SH3GL1: variants seen among roughly 807,000 people sequenced by gnomAD.
SH3GL1 encodes the protein endophilin-A2.
Under a neutral mutation model 48.8 loss-of-function variants are expected in SH3GL1, and 21 were observed. That is an observed-to-expected ratio of 0.43 (90% CI 0.30 to 0.62). The LOEUF (loss-of-function observed/expected upper bound fraction) is 0.62. Ranked by LOEUF, SH3GL1 falls within the 20% of genes least tolerant of loss-of-function variation. The pLI is 0.11. For synonymous variants in SH3GL1, 282 were observed against 217.5 expected, an observed-to-expected ratio of 1.30 and a Z score of -2.61; for missense variants, 454 against 503.0, an observed-to-expected ratio of 0.90 and a Z score of 0.93.
At chr19:4,393,946 G>C (rs549299475) in intron 1 of SH3GL1, among the ~76,000 whole-genome samples, 1 of 151,190 alleles carries the variant, frequency 6.6e-6, no homozygotes, top group South Asian at 2.1e-4. Context: ...AGGATCCCCC[G>C]GCAGACAGTC....
rs774348960 is a variant in SH3GL1, at chr19:4,367,631, G to T, written c.46-637C>A. On this transcript the variant is annotated intron_variant, in intron 1 of 9. Coordinates refer to ENST00000269886, the MANE Select transcript of SH3GL1 (RefSeq NM_003025.4). The surrounding 1 kb of genome is among the most constrained non-coding windows in gnomAD (Gnocchi z 4.2). The stretch of plus-strand genomic sequence containing the variant: ...AGGCCTGGCACACCTTGGTCCTCAC[G>T]GCTCTCAGCTACGGTGAAAGCGATG... 6.6e-6 allele frequency among the ~76,000 whole-genome samples: 1 copy of T among 152,160 alleles called. No individual in the cohort carries two copies. The highest frequency in any genetic ancestry group is 2.4e-5 in the African/African-American group (1 of 41,414).
chr19:4,377,230 A>G (rs1342524002), intron 1 of SH3GL1, among the ~76,000 whole-genome samples: 2 of 152,138 alleles, frequency 1.3e-5, no homozygotes, highest in East Asian at 3.9e-4. Flanking sequence ...GCCCGGGAAC[A>G]GTGACAGGTC....
At chr19:4,387,266 G>A (rs1012253921) in intron 1 of SH3GL1, among the ~76,000 whole-genome samples, 1 of 151,420 alleles carries the variant, frequency 6.6e-6, no homozygotes, top group Admixed American at 6.6e-5. Flanking sequence ...CTGGCAAGAA[G>A]GAACTTCCAG....
At chr19:4,394,985 G>A (rs1448533227) in intron 1 of SH3GL1, among the ~76,000 whole-genome samples, 1 of 152,268 alleles carries the variant, frequency 6.6e-6, no homozygotes, top group Non-Finnish European at 1.5e-5. Context: ...GAAGGGGTCT[G>A]CGCCATCCCC....
chr19:4,389,701 C>T lies in SH3GL1; in HGVS notation c.45+10623G>A, dbSNP rs531336021. Among the ~76,000 whole-genome samples the T allele has an allele frequency of 8.8e-3, 1,336 of 152,316 alleles. 11 individuals are homozygous for T. The highest frequency in any genetic ancestry group is 0.012 in the Non-Finnish European group (785 of 68,030). ...GTGGGGGCCACGGTGGCCCATCCGT[C>T]CTTCCATGTGATATTTACCGGCTCC... On this transcript the variant is annotated intron_variant, in intron 1 of 9. Transcript: ENST00000269886. This position sits in a 1 kb window ranked among gnomAD's most constrained non-coding sequence, Gnocchi z 4.5.
chr19:4,381,327 G>GTCTCTCTGTCCCCTCTGCC (rs1337464219), intron 1 of SH3GL1, among the ~76,000 whole-genome samples: 1 of 65,956 alleles, frequency 1.5e-5, no homozygotes, highest in Non-Finnish European at 2.7e-5. Flanking sequence ...TATGTCTCCC[G>GTCTCTCTGTCCCCTCTGCC]TCTCTCTGTC....
At position 4,365,903 on chromosome 19, in the gene SH3GL1, T is replaced by A. The variant is rs563824569; in HGVS notation, c.188-278A>T. Among the ~76,000 whole-genome samples, 19 of 152,214 alleles carry A rather than the reference T, an allele frequency of 1.2e-4. No homozygotes were observed. In the East Asian group the frequency reaches 3.7e-3, roughly 30 times the overall value. ...TGGAACGTGGCTATGACCCCTCATC[T>A]GGGGGGTGCCAGGGAGGAGGCGCAG... On this transcript the variant is annotated intron_variant, in intron 3 of 9. Transcript: ENST00000269886.
chr19:4,366,440 TC>T (rs1403629165), intron 3 of SH3GL1, 60 bp downstream of exon 3: 5 of 1,341,184 alleles, frequency 3.7e-6, no homozygotes, highest in Non-Finnish European at 5.3e-6. Context: ...TCCCCTGCCT[TC>T]CCTCTGACAC....
chr19:4,368,260 G>C (rs1351990306), intron 1 of SH3GL1, among the ~76,000 whole-genome samples: 2 of 152,260 alleles, frequency 1.3e-5, no homozygotes, highest in African/African-American at 4.8e-5. Flanking sequence ...GTGCCACACT[G>C]CGTTGGCTGT....
At chr19:4,375,290 G>A (rs1167936256) in intron 1 of SH3GL1, among the ~76,000 whole-genome samples, 1 of 152,224 alleles carries the variant, frequency 6.6e-6, no homozygotes, top group Non-Finnish European at 1.5e-5. Context: ...AAACAGGACA[G>A]CTAAGGGCCT....
chr19:4,393,417 C>G (rs1425385358), intron 1 of SH3GL1, among the ~76,000 whole-genome samples: 1 of 151,994 alleles, frequency 6.6e-6, no homozygotes, highest in Non-Finnish European at 1.5e-5. Flanking sequence ...TCCAGGAGTT[C>G]AAGACCTGGA....
intron 1 of SH3GL1, among the ~76,000 whole-genome samples, chr19:4,388,023 G>C (rs926652501): frequency 1.3e-5 from 2 of 151,976 alleles, no homozygotes; most frequent in African/African-American, 4.8e-5. Flanking sequence ...CCCACGCCCA[G>C]CTAATTTTTG....
rs556535741 is a variant in SH3GL1 at position 4,369,765 on chromosome 19, C to T, written c.46-2771G>A. 1.2e-4 allele frequency among the ~76,000 whole-genome samples: 19 copies of T among 152,384 alleles called. No homozygotes were observed. In the South Asian group the frequency reaches 2.7e-3, roughly 22 times the overall value. ...CCCGGGAGGCTGTGCCCTAACTACC[C>T]GGGTCCCTCTGCTCAGCTCCAGCCA... On this transcript the variant is annotated intron_variant, in intron 1 of 9. Coordinates refer to ENST00000269886, the MANE Select transcript of SH3GL1 (RefSeq NM_003025.4).
In SH3GL1 at chr19:4,400,506, G is replaced by C. The variant is rs1048392086; in HGVS notation, c.-138C>G. The C allele has an allele frequency of 1.5e-5, 10 of 666,884 alleles. No homozygotes were observed. Among genetic ancestry groups the C allele is most frequent in the African/African-American group, 3.9e-5 (2 of 50,982 alleles). 41.3% of individuals were successfully genotyped at this position (666,884 alleles called of 1,614,324 possible). On this transcript the variant is annotated 5_prime_UTR_variant, in exon 1 of 10. Transcript: ENST00000269886. This position sits in a 1 kb window ranked among gnomAD's most constrained non-coding sequence, Gnocchi z 4.1. Reference sequence around the variant, plus strand: ...GCTTGCCAGCTCCGCGCCCGCCCCGGCGCCGCCTCAGCCGCTCGCGCGCCC... The same window carrying C: ...GCTTGCCAGCTCCGCGCCCGCCCCGCCGCCGCCTCAGCCGCTCGCGCGCCC...
intron 1 of SH3GL1, among the ~76,000 whole-genome samples, chr19:4,393,299 A>AAC (rs946781264): frequency 6.6e-6 from 1 of 151,518 alleles, no homozygotes; most frequent in African/African-American, 2.4e-5. Flanking sequence ...CAAACAAACA[A>AAC]AAAAAAACAC....
chr19:4,379,933 A>T (rs1973088330), intron 1 of SH3GL1, among the ~76,000 whole-genome samples: 1 of 152,174 alleles, frequency 6.6e-6, no homozygotes, highest in African/African-American at 2.4e-5. Context: ...AGCTACGAGC[A>T]GTAAGAATAT....
intron 1 of SH3GL1, among the ~76,000 whole-genome samples, chr19:4,369,579 G>C (rs911723358): frequency 3.9e-5 from 6 of 152,144 alleles, no homozygotes; most frequent in African/African-American, 1.4e-4. Flanking sequence ...GAGGGGAGGG[G>C]CTGGGGACCC....
chr19:4,366,845 G>T, intron 2 of SH3GL1, 81 bp downstream of exon 2: 1 of 1,409,572 alleles, frequency 7.1e-7, no homozygotes, highest in Non-Finnish European at 1.0e-6. Context: ...GCCCATCAAG[G>T]TTGGCCGCCT....
chr19:4,369,117 G>A (rs920529826), intron 1 of SH3GL1, among the ~76,000 whole-genome samples: 8 of 152,132 alleles, frequency 5.3e-5, no homozygotes, highest in South Asian at 2.1e-4. Context: ...CACACCCACC[G>A]CGGGAGGGCT....
Sources: allele counts gnomAD v4.1 joint callset (sites outside exome capture counted in the v4.1 genomes callset), GRCh38; gene constraint gnomAD v4.1.1; non-coding constraint Gnocchi (gnomAD v3.1); transcripts MANE v1.5; gene names NCBI Gene and HGNC (gene_info 2026-07-23, HGNC 2026-07-21).